Variants in FGF1 observed in about 807,000 individuals in gnomAD.
The protein encoded by FGF1 is fibroblast growth factor 1.
FGF1 carries 9 observed loss-of-function variants against 13.4 expected under a neutral mutation model. The observed-to-expected ratio is 0.67, with a 90% CI of 0.40 to 1.17. The LOEUF is 1.17. FGF1 is among the 50% of genes most tolerant of loss of function. The pLI, the probability that FGF1 is intolerant of heterozygous loss-of-function variation, is 0.01. For missense variants in FGF1, 156 were observed against 192.7 expected, an observed-to-expected ratio of 0.81 and a Z score of 1.13; for synonymous variants, 93 against 79.0, an observed-to-expected ratio of 1.18 and a Z score of -0.94.
At chr5:142,602,588 C>A (rs1327539791) in intron 2 of FGF1, among the ~76,000 whole-genome samples, 1 of 152,170 alleles carries the variant, frequency 6.6e-6, no homozygotes, top group Non-Finnish European at 1.5e-5. Context: ...TGGGGGGATG[C>A]AGAAACAAGG....
At chr5:142,633,694 G>A (rs527973602) in intron 1 of FGF1, among the ~76,000 whole-genome samples, 42 of 152,320 alleles carry the variant, frequency 2.8e-4, no homozygotes, top group Middle Eastern at 6.8e-3. Context: ...TTGGCTGAAA[G>A]CAGCTTTGGA....
In FGF1 at chr5:142,593,061, G is replaced by A. The variant is rs1354590582; in HGVS notation, c.*2229C>T. The stretch of plus-strand genomic sequence containing the variant: ...GAATGATATCTGGGCTGAGATGGTC[G>A]AGGTCACATTGGTGTTTTTACTACA... On this transcript the variant is annotated 3_prime_UTR_variant, in exon 4 of 4. Transcript: ENST00000337706. The A allele has an allele frequency of 2.6e-5, 4 of 152,186 alleles. No individual in the cohort carries two copies. Among genetic ancestry groups the A allele is most frequent in the Non-Finnish European group, 4.4e-5 (3 of 68,030 alleles). 9.4% of individuals were successfully genotyped at this position (152,186 alleles called of 1,614,324 possible).
In FGF1 at chr5:142,660,639, C is replaced by G. The variant is rs17223290; in HGVS notation, c.-35+25318G>C. Among the ~76,000 whole-genome samples the G allele has an allele frequency of 3.5e-3, 526 of 152,330 alleles. 5 individuals are homozygous for G. Among genetic ancestry groups the G allele is most frequent in the African/African-American group, 0.012 (506 of 41,576 alleles). On this transcript the variant is annotated intron_variant, in intron 1 of 3. Coordinates refer to ENST00000337706, the MANE Select transcript of FGF1 (RefSeq NM_000800.5). ...TCAGCCTCTCAAACTCTGCAGGCCT[C>G]CCCATGCTGCAGGGCTGCCCTGCCT...
chr5:142,618,691 G>C (rs924677576), intron 1 of FGF1, among the ~76,000 whole-genome samples: 1 of 152,140 alleles, frequency 6.6e-6, no homozygotes, highest in Non-Finnish European at 1.5e-5. Context: ...AAGGCACAAA[G>C]GTAAGCCATG....
chr5:142,626,157 TG>T (rs1279116655), intron 1 of FGF1, among the ~76,000 whole-genome samples: 3 of 139,140 alleles, frequency 2.2e-5, no homozygotes, highest in Admixed American at 1.5e-4. Flanking sequence ...AAAGTATTTT[TG>T]TTTTTGTTTT....
At chr5:142,597,015 C>G (rs17217506) in intron 3 of FGF1, among the ~76,000 whole-genome samples, 1 of 151,762 alleles carries the variant, frequency 6.6e-6, no homozygotes, top group Admixed American at 6.6e-5. Context: ...ATACTGCTAA[C>G]GAGAAAAATG....
chr5:142,693,126 T>C (rs564648393), intron 2 of FGF1, among the ~76,000 whole-genome samples: 3 of 152,246 alleles, frequency 2.0e-5, no homozygotes, highest in African/African-American at 7.2e-5. Context: ...ATCTTTTCCA[T>C]CTATCTTCTT....
At chr5:142,671,681 G>A (rs542308397) in intron 1 of FGF1, 1 of 152,352 alleles carries the variant, frequency 6.6e-6, no homozygotes, top group South Asian at 2.1e-4. Flanking sequence ...CTTGGATCCT[G>A]CAGAGTAGGA....
intron 1 of FGF1, among the ~76,000 whole-genome samples, chr5:142,646,391 C>T (rs372089653): frequency 6.6e-6 from 1 of 151,602 alleles, no homozygotes; most frequent in Non-Finnish European, 1.5e-5. Context: ...TGCTCTGTCC[C>T]CCAGACTGGA....
At chr5:142,657,273 G>C (rs964299565) in intron 1 of FGF1, among the ~76,000 whole-genome samples, 9 of 152,130 alleles carry the variant, frequency 5.9e-5, no homozygotes, top group African/African-American at 1.9e-4. Flanking sequence ...AAGAGGGCAA[G>C]GATGCTGTCC....
intron 1 of FGF1, among the ~76,000 whole-genome samples, chr5:142,657,416 C>A (rs534167601): frequency 6.6e-6 from 1 of 152,188 alleles, no homozygotes; most frequent in Non-Finnish European, 1.5e-5. Context: ...CAGCACCCCC[C>A]CAACACCTCT....
intron 1 of FGF1, among the ~76,000 whole-genome samples, chr5:142,678,356 C>T (rs767667509): frequency 6.6e-6 from 1 of 152,122 alleles, no homozygotes; most frequent in African/African-American, 2.4e-5. Context: ...TTTTTACATA[C>T]GGATCATGCC....
intron 1 of FGF1, among the ~76,000 whole-genome samples, chr5:142,676,899 CAAAACA>C (rs1334584156): frequency 4.7e-5 from 7 of 148,098 alleles, no homozygotes; most frequent in Non-Finnish European, 1.0e-4. Context: ...ATTTTTACTT[CAAAACA>C]AAAACAAAAA....
chr5:142,601,357 G>A (rs941310493), intron 2 of FGF1, among the ~76,000 whole-genome samples: 3 of 152,142 alleles, frequency 2.0e-5, no homozygotes, highest in Non-Finnish European at 2.9e-5. Flanking sequence ...AGACAGAAGA[G>A]GTTCCCAGGG....
chr5:142,654,013 A>G (rs112080890), intron 1 of FGF1, among the ~76,000 whole-genome samples: 3,308 of 152,210 alleles, frequency 0.022, 118 homozygotes, highest in African/African-American at 0.075. Flanking sequence ...AATTGCTTGA[A>G]CCTGGGAGGC....
intron 1 of FGF1, among the ~76,000 whole-genome samples, chr5:142,658,725 C>T (rs1181204138): frequency 6.6e-6 from 1 of 152,114 alleles, no homozygotes; most frequent in East Asian, 1.9e-4. Flanking sequence ...TAGAGTAAGA[C>T]CGACTAGCAA....
At chr5:142,598,374 C>G (rs980123066) in intron 3 of FGF1, among the ~76,000 whole-genome samples, 5 of 152,204 alleles carry the variant, frequency 3.3e-5, no homozygotes, top group Non-Finnish European at 7.3e-5. Flanking sequence ...TCATTATGCA[C>G]TTGGTACAAT....
At chr5:142,601,717 C>T (rs1294477163) in intron 2 of FGF1, among the ~76,000 whole-genome samples, 2 of 152,074 alleles carry the variant, frequency 1.3e-5, no homozygotes, top group Non-Finnish European at 2.9e-5. Flanking sequence ...AATTTTCCAG[C>T]CCAAAAGTCA....
intron 1 of FGF1, among the ~76,000 whole-genome samples, chr5:142,678,336 A>T (rs1773042516): frequency 6.6e-6 from 1 of 152,124 alleles, no homozygotes; most frequent in Non-Finnish European, 1.5e-5. Flanking sequence ...ATTCGGTTTT[A>T]TATGCAGACT....
Sources: gnomAD v4.1 joint callset for allele counts (sites outside exome capture counted in the v4.1 genomes callset) on GRCh38, gnomAD v4.1.1 for gene constraint, MANE v1.5 for transcripts, NCBI Gene and HGNC (gene_info 2026-07-23, HGNC 2026-07-21) for gene names.